Variants in RB1 observed in about 807,000 individuals in gnomAD.
The protein encoded by RB1 is retinoblastoma-associated protein.
Under a neutral mutation model 135.4 loss-of-function variants are expected in RB1, and 18 were observed. The observed-to-expected ratio is 0.13, with a 90% confidence interval of 0.09 to 0.20. RB1 has a LOEUF of 0.20. Among genes scored for constraint, RB1 ranks in the 10% least tolerant of loss-of-function variants. The pLI is 1.00. For synonymous variants in RB1, 365 were observed against 373.2 expected, an observed-to-expected ratio of 0.98 and a Z score of 0.25; for missense variants, 868 against 1,110.0, an observed-to-expected ratio of 0.78 and a Z score of 3.10.
intron 7 of RB1, among the ~76,000 whole-genome samples, chr13:48,361,858 C>T (rs1014578220): frequency 6.6e-6 from 1 of 151,536 alleles, no homozygotes; most frequent in Non-Finnish European, 1.5e-5. Flanking sequence ...TATAGTTTAA[C>T]ATGTTCTTCT....
chr13:48,454,679 T>C (rs1949349326), intron 18 of RB1, among the ~76,000 whole-genome samples: 1 of 152,202 alleles, frequency 6.6e-6, no homozygotes, highest in Non-Finnish European at 1.5e-5. Context: ...ACGGAGAGGC[T>C]GATAGAATGC....
intron 23 of RB1, among the ~76,000 whole-genome samples, chr13:48,467,255 A>C (rs1196606283): frequency 4.0e-5 from 5 of 125,366 alleles, no homozygotes; most frequent in South Asian, 3.1e-4. Context: ...GCCAATATTC[A>C]ACATTCTTAA....
At chr13:48,337,838 T>A (rs1246505045) in intron 2 of RB1, among the ~76,000 whole-genome samples, 1 of 152,216 alleles carries the variant, frequency 6.6e-6, no homozygotes, top group Non-Finnish European at 1.5e-5. Flanking sequence ...TTTCCATGTT[T>A]AGTGCTTCCT....
Position 48,411,460 on chromosome 13 carries a change from C to A in RB1, c.1695+30017C>A. 2.5e-6 allele frequency: 4 copies of A among 1,612,926 alleles called. No homozygotes were observed. The highest frequency in any genetic ancestry group is 3.4e-6 in the Non-Finnish European group (4 of 1,179,294). On this transcript the variant is annotated intron_variant, in intron 17 of 26. Coordinates refer to ENST00000267163, the MANE Select transcript of RB1 (RefSeq NM_000321.3). ...AGGTTATGCTGAATAAAATTCTCTG[C>A]ACCATGAACTTCAGAGAATCTGAAG...
Position 48,321,963 on chromosome 13 carries a change from C to T in RB1, c.264+14557C>T, listed in dbSNP as rs76827301. On this transcript the variant is annotated intron_variant, in intron 2 of 26. Coordinates refer to ENST00000267163, the MANE Select transcript of RB1 (RefSeq NM_000321.3). ...TTGAGTTTCTTGTAGATTCTGGATC[C>T]TTTGTTGGATGTATAGTTTGTAAAT... Among the ~76,000 whole-genome samples, 560 of 152,180 alleles carry T rather than the reference C, an allele frequency of 3.7e-3. 7 individuals are homozygous for T. Among genetic ancestry groups the T allele is most frequent in the African/African-American group, 0.013 (540 of 41,534 alleles).
chr13:48,341,801 T>G (rs1018389137), intron 2 of RB1, among the ~76,000 whole-genome samples: 2 of 152,134 alleles, frequency 1.3e-5, no homozygotes, highest in African/African-American at 4.8e-5. Flanking sequence ...TACATGCTTT[T>G]TAGCTCTATT....
At chr13:48,328,003 C>T (rs554059295) in intron 2 of RB1, 1 of 665,068 alleles carries the variant, frequency 1.5e-6, no homozygotes, top group Non-Finnish European at 2.7e-6. Context: ...CAAAGGTAGT[C>T]TTATACCATT....
chr13:48,348,024 A>G (rs1463360207), intron 5 of RB1, among the ~76,000 whole-genome samples, 161 bp downstream of exon 5: 1 of 151,844 alleles, frequency 6.6e-6, no homozygotes, highest in Non-Finnish European at 1.5e-5. Context: ...TTATCTTCTC[A>G]CAAAGAAAAT....
chr13:48,464,724 C>T (rs185445747), intron 21 of RB1, among the ~76,000 whole-genome samples: 46 of 152,298 alleles, frequency 3.0e-4, no homozygotes, highest in Admixed American at 3.0e-3. Context: ...ATACTCTTCT[C>T]TTCTTGGATG....
At chr13:48,439,050 C>T (rs1026324332) in intron 17 of RB1, among the ~76,000 whole-genome samples, 37 of 152,058 alleles carry the variant, frequency 2.4e-4, no homozygotes, top group African/African-American at 8.7e-4. Flanking sequence ...AAAAGCATGA[C>T]AATGGGCAAA....
intron 1 of RB1, among the ~76,000 whole-genome samples, chr13:48,306,970 C>T (rs1433032363): frequency 2.6e-5 from 4 of 152,050 alleles, no homozygotes; most frequent in Admixed American, 6.6e-5. Flanking sequence ...TCCTATTTTC[C>T]CAAACAGCTT....
At chr13:48,328,255 A>C in intron 2 of RB1, 1 of 1,529,572 alleles carries the variant, frequency 6.5e-7, no homozygotes, top group African/African-American at 1.4e-5. Context: ...CTTTCCTCTG[A>C]TTCACTATCT....
chr13:48,442,176 A>G (rs1949243653), intron 17 of RB1, among the ~76,000 whole-genome samples: 1 of 151,840 alleles, frequency 6.6e-6, no homozygotes, highest in African/African-American at 2.4e-5. Flanking sequence ...TTCCTTTTAT[A>G]GTATTAATTC....
At chr13:48,430,739 C>T (rs749864937) in intron 17 of RB1, among the ~76,000 whole-genome samples, 21 of 101,436 alleles carry the variant, frequency 2.1e-4, no homozygotes, top group Non-Finnish European at 3.6e-4. Context: ...GTCTCCATCT[C>T]AAAAACAAAA....
chr13:48,442,816 T>C (rs571467952), intron 17 of RB1, among the ~76,000 whole-genome samples: 1 of 152,298 alleles, frequency 6.6e-6, no homozygotes, highest in Non-Finnish European at 1.5e-5. Context: ...TTAAACAATA[T>C]TTTAAAATTA....
At chr13:48,424,706 C>T (rs1195366823) in intron 17 of RB1, among the ~76,000 whole-genome samples, 1 of 152,116 alleles carries the variant, frequency 6.6e-6, no homozygotes, top group Non-Finnish European at 1.5e-5. Flanking sequence ...CTTTTCTGTA[C>T]TTCCACAGTA....
intron 2 of RB1, chr13:48,316,721 AC>A (rs1952186818): frequency 3.4e-3 from 1 of 292 alleles, no homozygotes; most frequent in African/African-American, 6.8e-3. Context: ...CAGAACCATC[AC>A]ACACACACAC....
intron 2 of RB1, chr13:48,317,171 C>A: frequency 1.6e-6 from 1 of 638,732 alleles, no homozygotes; most frequent in Non-Finnish European, 2.3e-6. Context: ...AGGACGGGCC[C>A]TGTGGAGGCA....
At chr13:48,384,423 A>G (rs1948558298) in intron 17 of RB1, among the ~76,000 whole-genome samples, 1 of 152,182 alleles carries the variant, frequency 6.6e-6, no homozygotes, top group African/African-American at 2.4e-5. Context: ...TGGCATAGAT[A>G]CATTTGCGTT....
Sources: allele counts gnomAD v4.1 joint callset (sites outside exome capture counted in the v4.1 genomes callset), GRCh38; gene constraint gnomAD v4.1.1; transcripts MANE v1.5; gene names NCBI Gene and HGNC (gene_info 2026-07-23, HGNC 2026-07-21).